Variants in DPP6 observed in about 807,000 individuals in gnomAD.
DPP6 encodes A-type potassium channel modulatory protein DPP6.
A neutral mutation model predicts 122.6 loss-of-function variants in DPP6; 69 were observed. The observed-to-expected ratio is 0.56, with a 90% CI of 0.46 to 0.69. The LOEUF (loss-of-function observed/expected upper bound fraction) is 0.69, where lower values mean the gene tolerates loss of function less well. DPP6 is among the 30% of genes least tolerant of loss of function. The pLI is 0.00. For missense variants in DPP6, 928 were observed against 1,116.9 expected, an observed-to-expected ratio of 0.83 and a Z score of 2.41; for synonymous variants, 418 against 433.1, an observed-to-expected ratio of 0.97 and a Z score of 0.43.
At chr7:154,459,805 C>CAAAAAAAAAAAAAA (rs775605275) in intron 2 of DPP6, among the ~76,000 whole-genome samples, 9 of 63,076 alleles carry the variant, frequency 1.4e-4, no homozygotes, top group African/African-American at 1.8e-4. Flanking sequence ...GATTCCATCT[C>CAAAAAAAAAAAAAA]AAAAAAAAAA....
chr7:153,985,622 G>T (rs1267852088), intron 1 of DPP6, among the ~76,000 whole-genome samples: 2 of 152,166 alleles, frequency 1.3e-5, no homozygotes, highest in African/African-American at 4.8e-5. Context: ...GTACTCAGTA[G>T]ATTATATTGA....
chr7:154,453,801 G>A (rs1162514496), intron 2 of DPP6, among the ~76,000 whole-genome samples: 1 of 152,014 alleles, frequency 6.6e-6, no homozygotes, highest in African/African-American at 2.4e-5. Context: ...CATCTGGTAT[G>A]TCTACTTTTA....
intron 3 of DPP6, among the ~76,000 whole-genome samples, chr7:154,524,729 C>A (rs1336050186): frequency 6.6e-6 from 1 of 152,146 alleles, no homozygotes. Flanking sequence ...TTGCCCAATT[C>A]TAGTCCTGTG....
intron 1 of DPP6, among the ~76,000 whole-genome samples, chr7:153,923,595 A>C (rs929908441): frequency 6.6e-6 from 1 of 151,902 alleles, no homozygotes; most frequent in Non-Finnish European, 1.5e-5. Context: ...CCTCGTCTCT[A>C]CTAAAAATAC....
At position 154,582,673 on chromosome 7, in the gene DPP6, G is replaced by A. The variant is rs189156418; in HGVS notation, c.627+15757G>A. 1.1e-4 allele frequency among the ~76,000 whole-genome samples: 16 copies of A among 152,220 alleles called. No individual in the cohort carries two copies. The East Asian group carries it at 1.2e-3, about 11-fold the overall frequency. ...TCAGGTTGCTCAGATCTCTCCCACC[G>A]CAAAATAAAGCAAAGACAAAAAAGT... On this transcript the variant is annotated intron_variant, in intron 5 of 25. Transcript: ENST00000377770.
chr7:154,556,944 A>G (rs559989868), intron 4 of DPP6, among the ~76,000 whole-genome samples: 4 of 152,232 alleles, frequency 2.6e-5, no homozygotes, highest in East Asian at 3.9e-4. Context: ...TGCATTCACT[A>G]TTGGCACTTG....
At chr7:153,961,907 G>C (rs1474879664) in intron 1 of DPP6, among the ~76,000 whole-genome samples, 1 of 147,172 alleles carries the variant, frequency 6.8e-6, no homozygotes, top group East Asian at 2.0e-4. Flanking sequence ...GGGAGCGGCT[G>C]TAAGTACAGA....
intron 1 of DPP6, among the ~76,000 whole-genome samples, chr7:154,274,466 G>A (rs536641843): frequency 1.1e-4 from 17 of 152,148 alleles, no homozygotes; most frequent in Admixed American, 3.9e-4. Context: ...CCATACACCC[G>A]CCCCTGCCTG....
intron 7 of DPP6, among the ~76,000 whole-genome samples, chr7:154,679,994 T>G (rs1839184842): frequency 1.3e-5 from 2 of 152,126 alleles, no homozygotes; most frequent in South Asian, 4.1e-4. Flanking sequence ...TTTTTGGTAA[T>G]TAATAGGAAT....
In DPP6 at chr7:154,875,825, G is replaced by C. The variant is rs544238087; in HGVS notation, c.1884-81G>C. 289 of 1,526,276 alleles carry C rather than the reference G, an allele frequency of 1.9e-4. 1 individual carries two copies. In the East Asian group the frequency reaches 6.9e-3, roughly 37 times the overall value. The allele number at this position is 1,526,276 out of a possible 1,614,324, so 94.5% of individuals were successfully genotyped here. A position where few individuals can be genotyped will look rare whatever the true frequency, so the allele number is the denominator to read the frequency against. On this transcript the variant is annotated intron_variant, in intron 19 of 25. Transcript: ENST00000377770. This position sits in a 1 kb window ranked among gnomAD's most constrained non-coding sequence, Gnocchi z 4.5. ...GGGTCACGGGTAAAATCCCTTACGG[G>C]GGTCATCTGACGTGGCAGCTGCTAG...
intron 1 of DPP6, among the ~76,000 whole-genome samples, chr7:154,121,839 A>G (rs1195477729): frequency 6.6e-6 from 1 of 152,202 alleles, no homozygotes; most frequent in Non-Finnish European, 1.5e-5. Flanking sequence ...TCATGTCCAC[A>G]ATAACAAACA....
chr7:154,747,294 C>T (rs1304587252), intron 8 of DPP6, among the ~76,000 whole-genome samples: 1 of 152,204 alleles, frequency 6.6e-6, no homozygotes, highest in African/African-American at 2.4e-5. Context: ...AAAGCTGGAT[C>T]TAAAAAACAT....
rs779511071 is a variant in DPP6, at chr7:154,876,112, C to T, written c.2078+12C>T. On this transcript the variant is annotated intron_variant, in intron 20 of 25. Transcript: ENST00000377770. ...ATGGAGGCCGTGCGGTGAGCACCCG[C>T]CCAGGAAGCAGGAGAGGCCGGGAGG... The T allele has an allele frequency of 1.9e-6, 3 of 1,568,808 alleles. No individual in the cohort carries two copies. In the East Asian group the frequency reaches 6.8e-5, roughly 35 times the overall value.
At chr7:154,309,076 G>A (rs184857691) in intron 1 of DPP6, among the ~76,000 whole-genome samples, 2 of 152,180 alleles carry the variant, frequency 1.3e-5, no homozygotes, top group Admixed American at 6.5e-5. Context: ...TCATGCTCTC[G>A]TGCTGAGGAA....
At chr7:154,310,438 C>A (rs1806768661) in intron 1 of DPP6, among the ~76,000 whole-genome samples, 2 of 152,302 alleles carry the variant, frequency 1.3e-5, no homozygotes, top group South Asian at 4.1e-4. Flanking sequence ...AAAGCCCAGG[C>A]AATTGAGAGC....
At position 154,113,410 on chromosome 7, in the gene DPP6, TATAC is replaced by T. The variant is rs1448073631; in HGVS notation, c.243+60349_243+60352del. Among the ~76,000 whole-genome samples, 1,267 of 139,762 alleles carry T rather than the reference TATAC, an allele frequency of 9.1e-3. 8 individuals are homozygous for T. Among genetic ancestry groups the T allele is most frequent in the African/African-American group, 0.03 (1,111 of 36,542 alleles). 91.7% of individuals were successfully genotyped at this position (139,762 alleles called of 152,430 possible). Reference sequence around the variant, plus strand: ...GTTTTCCTACATATATATATATATATATACACACACACACACACACATACACACA... The same window carrying T: ...GTTTTCCTACATATATATATATATATACACACACACACACACATACACACA... On this transcript the variant is annotated intron_variant, in intron 1 of 25. Transcript: ENST00000377770.
intron 2 of DPP6, among the ~76,000 whole-genome samples, chr7:154,453,752 G>A (rs1820591701): frequency 6.6e-6 from 1 of 151,974 alleles, no homozygotes; most frequent in South Asian, 2.1e-4. Context: ...GTAGTATTAT[G>A]AGTTTTTATA....
At chr7:153,836,206 T>G in the DPP6 span, among the ~76,000 whole-genome samples, 2 of 152,220 alleles carry the variant, frequency 1.3e-5, no homozygotes, top group Non-Finnish European at 2.9e-5. Flanking sequence ...TGGAGGCCAA[T>G]GCAAATCAAC....
At chr7:153,995,267 A>G (rs954875537) in intron 1 of DPP6, among the ~76,000 whole-genome samples, 4 of 152,130 alleles carry the variant, frequency 2.6e-5, no homozygotes, top group Admixed American at 6.5e-5. Flanking sequence ...AAACATAAGG[A>G]CAGTTTATCC....
Sources: allele counts gnomAD v4.1 joint callset (sites outside exome capture counted in the v4.1 genomes callset), GRCh38; gene constraint gnomAD v4.1.1; non-coding constraint Gnocchi (gnomAD v3.1); transcripts MANE v1.5; gene names NCBI Gene and HGNC (gene_info 2026-07-23, HGNC 2026-07-21).